BEND7: variants seen among roughly 807,000 people sequenced by gnomAD.
BEND7 encodes BEN domain containing 7.
A neutral mutation model predicts 50.9 loss-of-function variants in BEND7; 28 were observed. The observed-to-expected ratio is 0.55, with a 90% CI of 0.41 to 0.75. The LOEUF (loss-of-function observed/expected upper bound fraction) is 0.75, where lower values mean the gene tolerates loss of function less well. BEND7 is among the 30% of genes least tolerant of loss of function. BEND7 has a pLI of 0.00. For synonymous variants in BEND7, 170 were observed against 183.9 expected (o/e 0.92, Z 0.61); for missense variants, 477 against 491.3 (o/e 0.97, Z 0.28).
At chr10:13,457,695 A>C (rs868051971) in intron 6 of BEND7, among the ~76,000 whole-genome samples, 15 of 152,246 alleles carry the variant, frequency 9.9e-5, no homozygotes, top group African/African-American at 3.6e-4. Context: ...ATCTGCAAAC[A>C]GTCAATATGC....
Position 13,481,095 on chromosome 10 carries a change from G to A in BEND7, c.867C>T (p.Asp289=), listed in dbSNP as rs765934614. The A allele has an allele frequency of 1.5e-5, 24 of 1,613,998 alleles. No individual in the cohort carries two copies. Among genetic ancestry groups the A allele is most frequent in the South Asian group, 3.3e-5 (3 of 91,036 alleles). ...DPEVQLAEGF[D]VFMPKSQLDS... ...CCAGCTGAGATTTAGGCATAAACAC[G>A]TCAAAGCCTTCAGCAAGTTGTACTT... Residue 289 remains aspartate (D), a synonymous_variant, in exon 6 of 9, where the codon GAC becomes GAT. Coordinates refer to ENST00000466271, the MANE Select transcript of BEND7 (RefSeq NM_001369863.1).
At chr10:13,493,940 T>G (rs2076849955) in intron 4 of BEND7, among the ~76,000 whole-genome samples, 1 of 152,232 alleles carries the variant, frequency 6.6e-6, no homozygotes, top group Non-Finnish European at 1.5e-5. Context: ...CTTATCAGTC[T>G]GAAAATAAAG....
At chr10:13,479,433 G>T (rs945884339) in intron 6 of BEND7, among the ~76,000 whole-genome samples, 1 of 152,074 alleles carries the variant, frequency 6.6e-6, no homozygotes, top group African/African-American at 2.4e-5. Context: ...CTCTTCTACT[G>T]TCATTAAAAT....
At chr10:13,486,632 T>A (rs189352568) in intron 5 of BEND7, among the ~76,000 whole-genome samples, 38 of 152,378 alleles carry the variant, frequency 2.5e-4, no homozygotes, top group African/African-American at 8.9e-4. Context: ...TTGAATGGGA[T>A]AAAAATGAAA....
Position 13,528,529 on chromosome 10 carries a change from TC to T in BEND7, c.4del (p.Glu2SerfsTer17). 2 of 1,034,962 alleles carry T rather than the reference TC, an allele frequency of 1.9e-6. No homozygotes were observed. The highest frequency in any genetic ancestry group is 3.3e-5 in the South Asian group (1 of 30,404). The allele number at this position is 1,034,962 out of a possible 1,614,324, so 64.1% of individuals were successfully genotyped here. Reference sequence around the variant, plus strand: ...CCTGCTTCTTTTCCTCTCGGAGAACTCCATGGTGCGGGGAAGGCGGCGGCGG... The same window carrying T: ...CCTGCTTCTTTTCCTCTCGGAGAACTCATGGTGCGGGGAAGGCGGCGGCGG... M[E>X]FSERKRSRKS... On this transcript the variant is annotated frameshift_variant, in exon 1 of 9. Transcript: ENST00000466271. LOFTEE classifies it high-confidence loss of function.
At chr10:13,465,820 G>C (rs966753340) in intron 6 of BEND7, among the ~76,000 whole-genome samples, 1 of 152,050 alleles carries the variant, frequency 6.6e-6, no homozygotes, top group Non-Finnish European at 1.5e-5. Flanking sequence ...TCTGAGGCTT[G>C]AAGAGTCTTG....
rs552992212 is a variant in BEND7, at chr10:13,441,657, G to C, written c.*86C>G. 1 of 1,604,378 alleles carries C rather than the reference G, an allele frequency of 6.2e-7. No homozygotes were observed. Among genetic ancestry groups the C allele is most frequent in the Non-Finnish European group, 8.5e-7 (1 of 1,176,402 alleles). The stretch of plus-strand genomic sequence containing the variant: ...ACCAATTAATCTTCTCCCTTCCCTT[G>C]GGTAGTAGCTCCTTGTGGGAGGCAG... On this transcript the variant is annotated 3_prime_UTR_variant, in exon 9 of 9. Coordinates refer to ENST00000466271, the MANE Select transcript of BEND7 (RefSeq NM_001369863.1).
Position 13,492,675 on chromosome 10 carries a change from TGC to T in BEND7, c.771_772del (p.Thr259LeufsTer27). On this transcript the variant is annotated frameshift_variant, in exon 5 of 9. Transcript: ENST00000466271. LOFTEE classifies it high-confidence loss of function. ...AACGCGGCTCTCCTCCGGGGAGGTGTGCTCGGCTGCCTGGAGAGCAGATAGCT... is the reference window on the plus strand; with the variant it reads ...AACGCGGCTCTCCTCCGGGGAGGTGTTCGGCTGCCTGGAGAGCAGATAGCT... 1 of 1,614,198 alleles carries T rather than the reference TGC, an allele frequency of 6.2e-7. No homozygotes were observed. Among genetic ancestry groups the T allele is most frequent in the Non-Finnish European group, 8.5e-7 (1 of 1,180,034 alleles).
chr10:13,486,309 G>A (rs971764083), intron 5 of BEND7, among the ~76,000 whole-genome samples: 7 of 152,218 alleles, frequency 4.6e-5, no homozygotes, highest in African/African-American at 9.7e-5. Flanking sequence ...GATTATAGGC[G>A]GGAGCCAACA....
At chr10:13,510,669 C>T (rs891194995) in intron 2 of BEND7, among the ~76,000 whole-genome samples, 5 of 152,122 alleles carry the variant, frequency 3.3e-5, no homozygotes, top group African/African-American at 1.2e-4. Context: ...ATCTCATTCG[C>T]TACAGGATAA....
intron 6 of BEND7, among the ~76,000 whole-genome samples, chr10:13,469,874 G>A (rs1237248310): frequency 6.6e-6 from 1 of 152,106 alleles, no homozygotes; most frequent in Non-Finnish European, 1.5e-5. Context: ...CACTTTCAGG[G>A]CAGAAATACT....
chr10:13,472,564 G>A lies in BEND7; in HGVS notation c.1063+8335C>T, dbSNP rs572988711. ...GCTGTTGGACTTGGGGCCGATATCC[G>A]TCATCACTGTTAGATTTGGGGTTGA... On this transcript the variant is annotated intron_variant, in intron 6 of 8. Transcript: ENST00000466271. Among the ~76,000 whole-genome samples, 29 of 150,330 alleles carry A rather than the reference G, an allele frequency of 1.9e-4. No homozygotes were observed. In the South Asian group the frequency reaches 6.0e-3, roughly 31 times the overall value.
At chr10:13,509,984 T>C (rs1390966288) in intron 2 of BEND7, among the ~76,000 whole-genome samples, 1 of 152,236 alleles carries the variant, frequency 6.6e-6, no homozygotes, top group Non-Finnish European at 1.5e-5. Flanking sequence ...TTATAATCAA[T>C]ATAGCATGGC....
At chr10:13,498,071 C>CTTTTTTTTTTTTTTTTTTTTTTTTTT (rs67255529) in intron 3 of BEND7, among the ~76,000 whole-genome samples, 1 of 109,870 alleles carries the variant, frequency 9.1e-6, no homozygotes, top group Non-Finnish European at 1.8e-5. Flanking sequence ...ATTTCTTTTT[C>CTTTTTTTTTTTTTTTTTTTTTTTTTT]TTTTTTTTTT....
intron 5 of BEND7, among the ~76,000 whole-genome samples, chr10:13,482,662 T>C (rs1268418583): frequency 6.6e-6 from 1 of 152,224 alleles, no homozygotes; most frequent in Admixed American, 6.5e-5. Flanking sequence ...CAGAAAGTCA[T>C]CTCACACTTC....
At chr10:13,503,640 A>G (rs2077645818) in intron 2 of BEND7, among the ~76,000 whole-genome samples, 1 of 152,204 alleles carries the variant, frequency 6.6e-6, no homozygotes, top group South Asian at 2.1e-4. Flanking sequence ...TGAACCTGGG[A>G]GGCGGAGGTT....
intron 5 of BEND7, among the ~76,000 whole-genome samples, chr10:13,489,515 G>T (rs1274916708): frequency 1.3e-5 from 2 of 152,002 alleles, no homozygotes; most frequent in Non-Finnish European, 2.9e-5. Context: ...CGTAGAAAGC[G>T]GATAAGAAGA....
intron 2 of BEND7, among the ~76,000 whole-genome samples, chr10:13,522,133 T>TCC (rs34973390): frequency 7.5e-3 from 1 of 134 alleles, no homozygotes; most frequent in African/African-American, 0.011. Flanking sequence ...GCAATGAATT[T>TCC]GTTGAATGAA....
chr10:13,493,037 A>G (rs2076780081), intron 4 of BEND7, among the ~76,000 whole-genome samples, 161 bp from the exon 5 acceptor site: 1 of 152,232 alleles, frequency 6.6e-6, no homozygotes, highest in Non-Finnish European at 1.5e-5. Context: ...AGGTTACCAA[A>G]CGCAGGCTCT....
Sources: allele counts gnomAD v4.1 joint callset (sites outside exome capture counted in the v4.1 genomes callset), GRCh38; gene constraint gnomAD v4.1.1; transcripts MANE v1.5; gene names NCBI Gene and HGNC (gene_info 2026-07-23, HGNC 2026-07-21).